The following PGRMC2 variants were observed in gnomAD, a reference collection of about 807,000 sequenced individuals.
PGRMC2 encodes progesterone receptor membrane component 2.
In PGRMC2, 9 loss-of-function variants were observed where a neutral mutation model predicts 19.3. The observed-to-expected ratio is 0.47, with a 90% CI of 0.28 to 0.81. The LOEUF (loss-of-function observed/expected upper bound fraction) is 0.81, where lower values mean the gene tolerates loss of function less well. Ranked by LOEUF, PGRMC2 falls within the 40% of genes least tolerant of loss-of-function variation. The pLI, the probability that PGRMC2 is intolerant of heterozygous loss-of-function variation, is 0.11. For missense variants in PGRMC2, 289 were observed against 297.3 expected, an observed-to-expected ratio of 0.97 and a Z score of 0.21; for synonymous variants, 157 against 124.6, an observed-to-expected ratio of 1.26 and a Z score of -1.73.
intron 1 of PGRMC2, among the ~76,000 whole-genome samples, chr4:128,279,221 A>AT (rs1760867389): frequency 6.6e-6 from 1 of 152,110 alleles, no homozygotes; most frequent in Non-Finnish European, 1.5e-5. Flanking sequence ...AAAAAAAAAA[A>AT]GAGAAAAACT....
intron 1 of PGRMC2, among the ~76,000 whole-genome samples, chr4:128,276,629 A>G (rs1760817584): frequency 6.6e-6 from 1 of 152,132 alleles, no homozygotes; most frequent in Admixed American, 6.5e-5. Flanking sequence ...AGCCTAATTT[A>G]TTTTTAAAAA....
At chr4:128,285,812 TAAGTA>T (rs1388624572) in intron 1 of PGRMC2, among the ~76,000 whole-genome samples, 1 of 152,186 alleles carries the variant, frequency 6.6e-6, no homozygotes, top group Non-Finnish European at 1.5e-5. Context: ...CACGTGTGCT[TAAGTA>T]AACAAAAATG....
intron 1 of PGRMC2, among the ~76,000 whole-genome samples, chr4:128,282,640 A>G (rs1429778566): frequency 6.6e-6 from 1 of 152,242 alleles, no homozygotes; most frequent in East Asian, 1.9e-4. Flanking sequence ...TAATAGATGC[A>G]TATGGGCATT....
chr4:128,271,330 T>A lies in PGRMC2; in HGVS notation c.658A>T (p.Asn220Tyr), dbSNP rs1237474745. The A allele has an allele frequency of 1.9e-6, 3 of 1,591,726 alleles. No homozygotes were observed. Among genetic ancestry groups the A allele is most frequent in the Non-Finnish European group, 2.6e-6 (3 of 1,160,198 alleles). The change falls in exon 3 of 3, where the codon AAT (asparagine) becomes TAT (tyrosine). Residue 220 changes from asparagine to tyrosine, a missense_variant. Transcript: ENST00000296425. Reference sequence around the variant, plus strand: ...GTTTACAAAGTTCAATCCTGTTTATTGTGATCCTTGGTATCTTCTTCATCT... The same window carrying A: ...GTTTACAAAGTTCAATCCTGTTTATAGTGATCCTTGGTATCTTCTTCATCT... ...YTDEEDTKDH[N>Y]KQD
At chr4:128,273,962 T>C (rs1038282016) in intron 1 of PGRMC2, among the ~76,000 whole-genome samples, 1 of 152,200 alleles carries the variant, frequency 6.6e-6, no homozygotes, top group Non-Finnish European at 1.5e-5. Flanking sequence ...GTAAAGTACA[T>C]TTGTATTCTG....
intron 1 of PGRMC2, 46 bp downstream of exon 1, chr4:128,287,327 T>C (rs1233891631): frequency 6.4e-7 from 1 of 1,555,732 alleles, no homozygotes; most frequent in Admixed American, 1.8e-5. Flanking sequence ...AAGGGGGTTG[T>C]GCTTCAGCTG....
chr4:128,279,245 T>TA (rs910067183), intron 1 of PGRMC2, among the ~76,000 whole-genome samples: 6 of 150,918 alleles, frequency 4.0e-5, no homozygotes, highest in Non-Finnish European at 7.4e-5. Context: ...GCAAAGGATA[T>TA]ATGAATAAAC....
At chr4:128,277,959 A>T (rs1760837307) in intron 1 of PGRMC2, among the ~76,000 whole-genome samples, 1 of 152,250 alleles carries the variant, frequency 6.6e-6, no homozygotes, top group Admixed American at 6.5e-5. Flanking sequence ...TCTCTTGAAT[A>T]GTATGATTCT....
At chr4:128,278,315 A>C (rs1188161785) in intron 1 of PGRMC2, among the ~76,000 whole-genome samples, 1 of 152,224 alleles carries the variant, frequency 6.6e-6, no homozygotes, top group Non-Finnish European at 1.5e-5. Flanking sequence ...TTCTGTTAAA[A>C]AACACAACCC....
Position 128,287,516 on chromosome 4 carries a change from G to A in PGRMC2, c.275C>T (p.Ala92Val), listed in dbSNP as rs1243735893. ...AGAGAGEESP[A>V]TSLPRMKKRD... ...CTTCTTCATGCGAGGCAGAGAGGTGGCGGGGCTCTCCTCGCCCGCCCCGGC... is the reference window on the plus strand; with the variant it reads ...CTTCTTCATGCGAGGCAGAGAGGTGACGGGGCTCTCCTCGCCCGCCCCGGC... The change falls in exon 1 of 3, where the codon GCC (alanine) becomes GTC (valine). Residue 92 changes from alanine (A) to valine (V), a missense_variant. Coordinates refer to ENST00000296425, the MANE Select transcript of PGRMC2 (RefSeq NM_006320.6). The A allele has an allele frequency of 6.2e-7, 1 of 1,606,500 alleles. No individual in the cohort carries two copies. Among genetic ancestry groups the A allele is most frequent in the Non-Finnish European group, 8.5e-7 (1 of 1,176,996 alleles).
At chr4:128,278,874 A>T (rs1254806956) in intron 1 of PGRMC2, among the ~76,000 whole-genome samples, 1 of 152,194 alleles carries the variant, frequency 6.6e-6, no homozygotes, top group Non-Finnish European at 1.5e-5. Context: ...TTTACTTTAT[A>T]AAGAACACCT....
chr4:128,272,317 G>A, intron 2 of PGRMC2, 45 bp downstream of exon 2: 1 of 1,220,454 alleles, frequency 8.2e-7, no homozygotes, highest in Non-Finnish European at 1.1e-6. Context: ...TATTTTCTTT[G>A]AACAAATATT....
chr4:128,277,961 T>G (rs1453889224), intron 1 of PGRMC2, among the ~76,000 whole-genome samples: 2 of 152,200 alleles, frequency 1.3e-5, no homozygotes, highest in Non-Finnish European at 1.5e-5. Context: ...TCTTGAATAG[T>G]ATGATTCTAT....
chr4:128,284,309 A>C (rs1760952999), intron 1 of PGRMC2, among the ~76,000 whole-genome samples: 1 of 152,218 alleles, frequency 6.6e-6, no homozygotes, highest in Non-Finnish European at 1.5e-5. Flanking sequence ...TACCTAAAAT[A>C]CCTAGACCTC....
intron 1 of PGRMC2, 65 bp downstream of exon 1, chr4:128,287,308 C>G: frequency 6.5e-7 from 1 of 1,526,860 alleles, no homozygotes; most frequent in Non-Finnish European, 8.8e-7. Context: ...CCAGAGGCCT[C>G]CCTGTCCGAA....
chr4:128,273,550 TG>T, intron 1 of PGRMC2, among the ~76,000 whole-genome samples: 1 of 152,136 alleles, frequency 6.6e-6, no homozygotes, highest in Non-Finnish European at 1.5e-5. Flanking sequence ...GACACTATTA[TG>T]AACAACAACA....
intron 1 of PGRMC2, among the ~76,000 whole-genome samples, chr4:128,283,470 C>A (rs1001682428): frequency 5.3e-5 from 8 of 152,136 alleles, no homozygotes; most frequent in Admixed American, 2.6e-4. Context: ...GGTGGCACGC[C>A]AGTCTCACAA....
chr4:128,283,586 T>C (rs1392370237), intron 1 of PGRMC2, among the ~76,000 whole-genome samples: 1 of 152,200 alleles, frequency 6.6e-6, no homozygotes, highest in African/African-American at 2.4e-5. Context: ...TTATATCTAA[T>C]TTTAATTAAT....
At chr4:128,279,784 G>T (rs894936309) in intron 1 of PGRMC2, among the ~76,000 whole-genome samples, 4 of 151,404 alleles carry the variant, frequency 2.6e-5, no homozygotes, top group Admixed American at 2.6e-4. Flanking sequence ...TAATTAGTGT[G>T]GGGGGAAAGG....
Sources: gnomAD v4.1 joint callset for allele counts (sites outside exome capture counted in the v4.1 genomes callset) on GRCh38, gnomAD v4.1.1 for gene constraint, MANE v1.5 for transcripts, NCBI Gene and HGNC (gene_info 2026-07-23, HGNC 2026-07-21) for gene names.